The following GHR variants were observed in gnomAD, a reference collection of about 807,000 sequenced individuals.
The protein encoded by GHR is growth hormone receptor.
GHR carries 35 observed loss-of-function variants against 67.1 expected under a neutral mutation model. The ratio of observed to expected loss-of-function variants is 0.52; its 90% CI spans 0.40 to 0.69. GHR has a LOEUF of 0.69. Among genes scored for constraint, GHR ranks in the 30% least tolerant of loss-of-function variants. GHR has a pLI of 0.00. For missense variants in GHR, 792 were observed against 764.6 expected, an observed-to-expected ratio of 1.04 and a Z score of -0.42; for synonymous variants, 272 against 269.1, an observed-to-expected ratio of 1.01 and a Z score of -0.10.
intron 1 of GHR, among the ~76,000 whole-genome samples, chr5:42,475,439 T>TC (rs1364109053): frequency 6.6e-6 from 1 of 151,696 alleles, no homozygotes; most frequent in Non-Finnish European, 1.5e-5. Context: ...TGGTCATTTT[T>TC]TTTATAAAAA....
chr5:42,641,356 T>C (rs945347946), intron 3 of GHR, among the ~76,000 whole-genome samples: 2 of 152,216 alleles, frequency 1.3e-5, no homozygotes, highest in African/African-American at 4.8e-5. Context: ...CTTGTATATA[T>C]GTACGAGCCC....
chr5:42,455,677 C>T (rs28498583), intron 1 of GHR, among the ~76,000 whole-genome samples: 2,813 of 152,280 alleles, frequency 0.018, 152 homozygotes, highest in East Asian at 0.11. Flanking sequence ...ATGGAGATTG[C>T]ATTCTCTTGT....
chr5:42,626,158 T>G (rs1356005127), intron 2 of GHR, among the ~76,000 whole-genome samples: 1 of 152,152 alleles, frequency 6.6e-6, no homozygotes, highest in East Asian at 1.9e-4. Flanking sequence ...GGACACCAAC[T>G]GGGTGTTCTC....
chr5:42,717,559 A>G (rs1371494773), intron 8 of GHR, among the ~76,000 whole-genome samples: 1 of 152,180 alleles, frequency 6.6e-6, no homozygotes, highest in East Asian at 1.9e-4. Flanking sequence ...TTTCATAATT[A>G]ATATGAACTA....
At chr5:42,590,476 G>C (rs1445471828) in intron 2 of GHR, among the ~76,000 whole-genome samples, 1 of 152,138 alleles carries the variant, frequency 6.6e-6, no homozygotes, top group Admixed American at 6.5e-5. Context: ...GAAGACTGCT[G>C]TGTTGGCAGC....
intron 2 of GHR, among the ~76,000 whole-genome samples, chr5:42,587,799 C>T (rs1046118503): frequency 6.6e-6 from 1 of 152,006 alleles, no homozygotes; most frequent in African/African-American, 2.4e-5. Flanking sequence ...GGACCATATG[C>T]CCTCCCCGGA....
chr5:42,658,474 G>A (rs538010427), intron 3 of GHR, among the ~76,000 whole-genome samples: 6 of 152,290 alleles, frequency 3.9e-5, no homozygotes, highest in Non-Finnish European at 8.8e-5. Flanking sequence ...CAAAAACTTA[G>A]CACAAAGTAG....
intron 2 of GHR, among the ~76,000 whole-genome samples, chr5:42,598,781 G>C (rs988669600): frequency 6.6e-6 from 1 of 151,946 alleles, no homozygotes; most frequent in Non-Finnish European, 1.5e-5. Flanking sequence ...AATTTTCTTT[G>C]TCTTATTTTC....
Position 42,543,840 on chromosome 5 carries a change from G to A in GHR, c.-11-22024G>A, listed in dbSNP as rs1010067859. Among the ~76,000 whole-genome samples the A allele has an allele frequency of 7.9e-5, 12 of 152,060 alleles. No homozygotes were observed. The East Asian group carries it at 2.1e-3, about 27-fold the overall frequency. ...TCTTTCTGGAATTCCAATCATATGT[G>A]TGTTGGAGCTTCTCAATCTGCCCTC... is the stretch of plus-strand genomic sequence containing the variant. On this transcript the variant is annotated intron_variant, in intron 1 of 9. Coordinates refer to ENST00000230882, the MANE Select transcript of GHR (RefSeq NM_000163.5).
At chr5:42,521,982 A>C (rs1747495120) in intron 1 of GHR, among the ~76,000 whole-genome samples, 1 of 152,184 alleles carries the variant, frequency 6.6e-6, no homozygotes, top group African/African-American at 2.4e-5. Context: ...GGTTTTTCTC[A>C]GCTCAACTTT....
intron 1 of GHR, among the ~76,000 whole-genome samples, chr5:42,480,149 G>A (rs1370097938): frequency 6.6e-6 from 1 of 152,150 alleles, no homozygotes; most frequent in East Asian, 1.9e-4. Context: ...TATGTACCCA[G>A]TAGTCATTCA....
chr5:42,666,427 A>G (rs929296361), intron 3 of GHR, among the ~76,000 whole-genome samples: 3 of 152,140 alleles, frequency 2.0e-5, no homozygotes, highest in Non-Finnish European at 2.9e-5. Flanking sequence ...GTGCATTTTA[A>G]CTTTCCAGCA....
intron 1 of GHR, among the ~76,000 whole-genome samples, chr5:42,542,536 CT>C (rs1748556907): frequency 1.3e-5 from 2 of 152,090 alleles, no homozygotes; most frequent in African/African-American, 2.4e-5. Flanking sequence ...AGAAATTATC[CT>C]TTTTCTAAAA....
chr5:42,530,188 T>TTG (rs750956247), intron 1 of GHR, among the ~76,000 whole-genome samples: 6 of 151,602 alleles, frequency 4.0e-5, no homozygotes, highest in South Asian at 2.1e-4. Flanking sequence ...CAGTTACCAT[T>TTG]TGTGTGTGTG....
At chr5:42,478,292 T>C (rs1049107911) in intron 1 of GHR, among the ~76,000 whole-genome samples, 14 of 152,368 alleles carry the variant, frequency 9.2e-5, no homozygotes, top group African/African-American at 3.4e-4. Context: ...TGTAGCCTAG[T>C]AGTATAGTTT....
chr5:42,592,241 C>T (rs907848164), intron 2 of GHR, among the ~76,000 whole-genome samples: 19 of 152,136 alleles, frequency 1.2e-4, no homozygotes, highest in African/African-American at 3.4e-4. Context: ...CATCTTAATC[C>T]TAACATCTCC....
intron 2 of GHR, among the ~76,000 whole-genome samples, chr5:42,617,385 T>TACACAC (rs10581858): frequency 2.3e-4 from 35 of 149,258 alleles, no homozygotes; most frequent in South Asian, 4.3e-4. Flanking sequence ...AAGTTCATTT[T>TACACAC]ACACACACAC....
chr5:42,431,658 A>G (rs902098570), intron 1 of GHR, among the ~76,000 whole-genome samples: 1 of 152,198 alleles, frequency 6.6e-6, no homozygotes, highest in Non-Finnish European at 1.5e-5. Context: ...GTTGTTGATA[A>G]GACTTCAGCC....
chr5:42,578,772 A>G (rs1049196207), intron 2 of GHR, among the ~76,000 whole-genome samples: 1 of 152,220 alleles, frequency 6.6e-6, no homozygotes, highest in Non-Finnish European at 1.5e-5. Context: ...AATCTAAATG[A>G]GCAACTTAAG....
Sources: allele counts gnomAD v4.1 joint callset (sites outside exome capture counted in the v4.1 genomes callset), GRCh38; gene constraint gnomAD v4.1.1; transcripts MANE v1.5; gene names NCBI Gene and HGNC (gene_info 2026-07-23, HGNC 2026-07-21).